The following KHDRBS2 variants were observed in gnomAD, a reference collection of about 807,000 sequenced individuals.
KHDRBS2 encodes KH RNA binding domain containing, signal transduction associated 2, also known as KH domain-containing, RNA-binding, signal transduction-associated protein 2.
Under a neutral mutation model 44.3 loss-of-function variants are expected in KHDRBS2, and 26 were observed. The ratio of observed to expected loss-of-function variants is 0.59; its 90% CI spans 0.43 to 0.81. The LOEUF (loss-of-function observed/expected upper bound fraction) is 0.81, where lower values mean the gene tolerates loss of function less well. Ranked by LOEUF, KHDRBS2 falls within the 40% of genes least tolerant of loss-of-function variation. The pLI is 0.00. For synonymous variants in KHDRBS2, 194 were observed against 151.1 expected, an observed-to-expected ratio of 1.28 and a Z score of -2.08; for missense variants, 476 against 433.1, an observed-to-expected ratio of 1.10 and a Z score of -0.88.
intron 3 of KHDRBS2, among the ~76,000 whole-genome samples, chr6:61,984,304 A>T (rs1774586937): frequency 1.3e-5 from 2 of 152,268 alleles, no homozygotes; most frequent in East Asian, 1.9e-4. Flanking sequence ...ATCATATTTT[A>T]TAATTTTTAA....
At chr6:61,964,929 T>C (rs1299899862) in intron 4 of KHDRBS2, among the ~76,000 whole-genome samples, 2 of 152,114 alleles carry the variant, frequency 1.3e-5, no homozygotes, top group Non-Finnish European at 2.9e-5. Flanking sequence ...TAAACATCTG[T>C]ATACCCAGAA....
chr6:62,062,639 G>A (rs372914024), intron 2 of KHDRBS2, among the ~76,000 whole-genome samples: 1 of 148,524 alleles, frequency 6.7e-6, no homozygotes, highest in Non-Finnish European at 1.5e-5. Context: ...GTGTGTAGAG[G>A]GAAATTTACA....
chr6:61,737,701 C>T (rs767228994), intron 6 of KHDRBS2, among the ~76,000 whole-genome samples: 26 of 152,026 alleles, frequency 1.7e-4, no homozygotes, highest in Non-Finnish European at 2.8e-4. Flanking sequence ...AACCGCAGAG[C>T]CATAAAAGGC....
the KHDRBS2 span, among the ~76,000 whole-genome samples, chr6:61,548,799 C>G: frequency 4.6e-5 from 7 of 152,036 alleles, no homozygotes; most frequent in African/African-American, 1.7e-4. Context: ...GTGGAGTTAT[C>G]TTTTCTCAAA....
rs192459786 is a variant in KHDRBS2 at position 61,894,673 on chromosome 6, C to T, written c.772G>A (p.Ala258Thr). The T allele has an allele frequency of 1.1e-5, 18 of 1,613,002 alleles. No individual in the cohort carries two copies. The Admixed American group carries it at 2.5e-4, about 22-fold the overall frequency. The change falls in exon 6 of 9, where the codon GCA (alanine) becomes ACA (threonine). Residue 258 changes from alanine to threonine, a missense_variant. By Grantham distance (58) the Ala-to-Thr change is moderately conservative. Coordinates refer to ENST00000281156, the MANE Select transcript of KHDRBS2 (RefSeq NM_152688.4). ...GCTTCATGGGCTGGAGGAGGAGGTG[C>T]CCTGTATCCTGGCACTGTTGGTGCC... is the stretch of plus-strand genomic sequence containing the variant. ...RGAPTVPGYRAPPPPAHEAYE... is the reference protein window; with the variant it reads ...RGAPTVPGYRTPPPPAHEAYE...
chr6:61,783,520 AG>A (rs752775426), intron 6 of KHDRBS2, among the ~76,000 whole-genome samples: 23 of 152,136 alleles, frequency 1.5e-4, no homozygotes, highest in Non-Finnish European at 3.4e-4. Context: ...AAGCAAAAGA[AG>A]TAAGATAAAA....
At chr6:61,978,623 A>C (rs1395182797) in intron 3 of KHDRBS2, among the ~76,000 whole-genome samples, 3 of 152,092 alleles carry the variant, frequency 2.0e-5, no homozygotes, top group African/African-American at 7.2e-5. Flanking sequence ...AAGAAAACTA[A>C]AACTTTCTAG....
At chr6:62,048,438 T>A (rs1039654383) in intron 2 of KHDRBS2, among the ~76,000 whole-genome samples, 10 of 151,922 alleles carry the variant, frequency 6.6e-5, no homozygotes, top group African/African-American at 2.4e-4. Flanking sequence ...TTAAAATCGA[T>A]GCTTTAAATT....
intron 1 of KHDRBS2, among the ~76,000 whole-genome samples, chr6:62,249,154 T>C (rs1246584740): frequency 2.0e-5 from 3 of 152,096 alleles, no homozygotes; most frequent in Admixed American, 6.6e-5. Flanking sequence ...AAGTAATTTA[T>C]AGGTCAAATG....
intron 1 of KHDRBS2, among the ~76,000 whole-genome samples, chr6:62,192,313 T>A (rs1038642124): frequency 2.6e-5 from 4 of 152,078 alleles, no homozygotes; most frequent in Non-Finnish European, 4.4e-5. Context: ...ATGTCCTATG[T>A]GTGTGTAAAA....
the KHDRBS2 span, among the ~76,000 whole-genome samples, chr6:61,561,857 CTA>C: frequency 1.3e-5 from 2 of 152,136 alleles, no homozygotes; most frequent in Non-Finnish European, 2.9e-5. Context: ...TTATGCAAAT[CTA>C]TATCTCTTCC....
the KHDRBS2 span, among the ~76,000 whole-genome samples, chr6:61,607,844 C>T: frequency 0.026 from 3,991 of 152,216 alleles, 70 homozygotes; most frequent in Non-Finnish European, 0.04. Flanking sequence ...TGCACCACCA[C>T]GCCTGGCTAT....
chr6:61,567,391 G>C, the KHDRBS2 span, among the ~76,000 whole-genome samples: 1 of 152,176 alleles, frequency 6.6e-6, no homozygotes, highest in East Asian at 1.9e-4. Context: ...ATCTTAGACT[G>C]TTTAGGTGGT....
At chr6:61,637,433 T>C in the KHDRBS2 span, among the ~76,000 whole-genome samples, 1 of 152,212 alleles carries the variant, frequency 6.6e-6, no homozygotes, top group East Asian at 1.9e-4. Context: ...CAGTCTATCA[T>C]TGTTGGACAT....
the KHDRBS2 span, among the ~76,000 whole-genome samples, chr6:61,608,855 T>C: frequency 2.0e-5 from 3 of 152,192 alleles, no homozygotes; most frequent in Non-Finnish European, 4.4e-5. Flanking sequence ...GCATTTGGGT[T>C]GGTTCCAAGT....
At chr6:61,846,784 C>CATATATAT (rs142483867) in intron 6 of KHDRBS2, among the ~76,000 whole-genome samples, 3 of 149,682 alleles carry the variant, frequency 2.0e-5, no homozygotes, top group Non-Finnish European at 4.5e-5. Flanking sequence ...CTTGTAAGTA[C>CATATATAT]ATATATATAT....
At chr6:61,891,744 T>C (rs947965255) in intron 6 of KHDRBS2, among the ~76,000 whole-genome samples, 1 of 152,140 alleles carries the variant, frequency 6.6e-6, no homozygotes, top group African/African-American at 2.4e-5. Context: ...ATTGATGGGA[T>C]ATATCTCAAA....
chr6:61,722,861 C>G (rs1355323786), intron 7 of KHDRBS2, among the ~76,000 whole-genome samples: 1 of 151,970 alleles, frequency 6.6e-6, no homozygotes, highest in Admixed American at 6.6e-5. Flanking sequence ...AAGCGCCCAC[C>G]ACCATGCCTG....
intron 6 of KHDRBS2, among the ~76,000 whole-genome samples, chr6:61,877,355 C>G (rs961330719): frequency 1.3e-5 from 2 of 151,782 alleles, no homozygotes; most frequent in African/African-American, 4.8e-5. Flanking sequence ...CTTTTAAATG[C>G]TTTACTGGGA....
Sources: gnomAD v4.1 joint callset for allele counts (sites outside exome capture counted in the v4.1 genomes callset) on GRCh38, gnomAD v4.1.1 for gene constraint, MANE v1.5 for transcripts, NCBI Gene and HGNC (gene_info 2026-07-23, HGNC 2026-07-21) for gene names.